SPATC1: variants seen among roughly 807,000 people sequenced by gnomAD.
SPATC1 encodes speriolin.
SPATC1 carries 35 observed loss-of-function variants against 36.5 expected under a neutral mutation model. The ratio of observed to expected loss-of-function variants is 0.96; its 90% CI spans 0.73 to 1.27. SPATC1 has a LOEUF of 1.27. SPATC1 is among the 50% of genes most tolerant of loss of function. The probability of loss-of-function intolerance (pLI) is 0.00; values close to 1 mark genes in which losing one functional copy is unlikely to be tolerated. For missense variants in SPATC1, 779 were observed against 796.0 expected, an observed-to-expected ratio of 0.98 and a Z score of 0.26; for synonymous variants, 361 against 353.6, an observed-to-expected ratio of 1.02 and a Z score of -0.24.
chr8:144,041,349 A>G lies in SPATC1; in HGVS notation c.1424A>G (p.Asn475Ser), dbSNP rs868959776. 3.7e-6 allele frequency: 6 copies of G among 1,611,092 alleles called. No homozygotes were observed. The African/African-American group carries it at 4.0e-5, about 11-fold the overall frequency. The change falls in exon 4 of 5, where the codon AAC becomes AGC. Residue 475 changes from asparagine to serine, a missense_variant. Physicochemically the swap from Asn to Ser is conservative, Grantham distance 46. Transcript: ENST00000377470. The part of the protein sequence containing the change: ...RVRLYGFTVS[N>S]IPEKIIQASL... ...CGGCTCTACGGCTTCACTGTCTCCA[A>G]CATCCCAGAGAAGATCATCCAGGTG...
Position 144,029,202 on chromosome 8 carries a change from T to TAAAAAAAAAA in SPATC1, c.212-10686_212-10677dup, listed in dbSNP as rs1165801794. On this transcript the variant is annotated intron_variant, in intron 1 of 4. Transcript: ENST00000377470. ...ACATCCTACACATGTACCCCAGAAC[T>TAAAAAAAAAA]AAAAAAAAAAAAAAAAAAAAAAAAA... is the stretch of plus-strand genomic sequence containing the variant. Among the ~76,000 whole-genome samples the TAAAAAAAAAA allele has an allele frequency of 1.1e-3, 30 of 28,164 alleles. 3 individuals carry two copies. Among genetic ancestry groups the TAAAAAAAAAA allele is most frequent in the African/African-American group, 3.4e-3 (30 of 8,842 alleles). 18.5% of individuals were successfully genotyped at this position (28,164 alleles called of 152,430 possible). A position where few individuals can be genotyped will look rare whatever the true frequency, so the allele number is the denominator to read the frequency against.
chr8:144,037,867 C>T (rs541660350), intron 1 of SPATC1, among the ~76,000 whole-genome samples: 51 of 151,266 alleles, frequency 3.4e-4, no homozygotes, highest in Admixed American at 7.2e-4. Context: ...TCGGTGGCCA[C>T]GCCTGTAATC....
intron 1 of SPATC1, among the ~76,000 whole-genome samples, chr8:144,029,516 G>A (rs1012947609): frequency 0.029 from 4,348 of 152,236 alleles, 222 homozygotes; most frequent in African/African-American, 0.099. Context: ...GCAGTGAGGC[G>A]AGAGCGCACC....
In SPATC1 at chr8:144,026,809, C is replaced by CTTTTTTT. The variant is rs1230432833; in HGVS notation, c.212-13090_212-13084dup. 2.3e-5 allele frequency among the ~76,000 whole-genome samples: 3 copies of CTTTTTTT among 131,948 alleles called. 1 individual carries two copies. Among genetic ancestry groups the CTTTTTTT allele is most frequent in the African/African-American group, 5.9e-5 (2 of 34,080 alleles). The allele number at this position is 131,948 out of a possible 152,430, so 86.6% of individuals were successfully genotyped here. A position where few individuals can be genotyped will look rare whatever the true frequency, so the allele number is the denominator to read the frequency against. ...TTATTTTTTTAATTTCTTTCTTTTT[C>CTTTTTTT]TTTTTTTTTTTTTTTTGAGACGGAG... On this transcript the variant is annotated intron_variant, in intron 1 of 4. Coordinates refer to ENST00000377470, the MANE Select transcript of SPATC1 (RefSeq NM_198572.3).
chr8:144,042,284 A>AAC (rs1475095587), intron 4 of SPATC1, among the ~76,000 whole-genome samples: 20 of 36,238 alleles, frequency 5.5e-4, no homozygotes, highest in African/African-American at 2.9e-3. Flanking sequence ...ACGCCCAGCT[A>AAC]ATATATATAT....
At chr8:144,039,450 G>GTA (rs1328064549) in intron 1 of SPATC1, among the ~76,000 whole-genome samples, 5 of 152,228 alleles carry the variant, frequency 3.3e-5, no homozygotes, top group African/African-American at 1.2e-4. Context: ...CCACCACAAA[G>GTA]ACAGTGGTCA....
chr8:144,035,907 T>G (rs1332100901), intron 1 of SPATC1, among the ~76,000 whole-genome samples: 2 of 152,126 alleles, frequency 1.3e-5, no homozygotes, highest in Non-Finnish European at 2.9e-5. Flanking sequence ...TGGGCTCTCC[T>G]AAGGAATTGG....
chr8:144,036,840 G>C (rs962017271), intron 1 of SPATC1, among the ~76,000 whole-genome samples: 106 of 151,958 alleles, frequency 7.0e-4, no homozygotes, highest in Non-Finnish European at 1.4e-3. Flanking sequence ...CACGGGAATC[G>C]ATTGAAATGC....
In SPATC1 at chr8:144,041,384, G is replaced by C; in HGVS notation, c.1446+13G>C. ...GAAGATCATCCAGGTGTGCGGCCAG[G>C]GGTCCTGCAGGGACAGGGGGCAGGT... is the stretch of plus-strand genomic sequence containing the variant. On this transcript the variant is annotated intron_variant, in intron 4 of 4. Transcript: ENST00000377470. 2.5e-6 allele frequency: 4 copies of C among 1,604,118 alleles called. No homozygotes were observed. Among genetic ancestry groups the C allele is most frequent in the Non-Finnish European group, 3.4e-6 (4 of 1,179,308 alleles).
At chr8:144,017,979 A>G (rs1298523271) in intron 1 of SPATC1, among the ~76,000 whole-genome samples, 1 of 152,194 alleles carries the variant, frequency 6.6e-6, no homozygotes, top group Non-Finnish European at 1.5e-5. Flanking sequence ...GAGAGAAAAG[A>G]TTCAAGAGTT....
At chr8:144,042,295 ATATATATATATATATATTT>A (rs1476009786) in intron 4 of SPATC1, among the ~76,000 whole-genome samples, 6 of 48,602 alleles carry the variant, frequency 1.2e-4, no homozygotes, top group African/African-American at 7.2e-4. Flanking sequence ...ATATATATAT[ATATATATATATATATATTT>A]TTTTTTTTTT....
intron 4 of SPATC1, among the ~76,000 whole-genome samples, chr8:144,044,345 G>A (rs181478912): frequency 1.5e-4 from 23 of 150,598 alleles, no homozygotes; most frequent in Admixed American, 4.0e-4. Context: ...TCTGTCGCCC[G>A]GGCTGGAGTG....
rs1184651892 is a variant in SPATC1 at position 144,042,311 on chromosome 8, ATTTTTTT to A, written c.1446+959_1446+965del. Among the ~76,000 whole-genome samples, 151 of 23,844 alleles carry A rather than the reference ATTTTTTT, an allele frequency of 6.3e-3. 1 individual carries two copies. The highest frequency in any genetic ancestry group is 0.033 in the African/African-American group (137 of 4,114). The allele number at this position is 23,844 out of a possible 152,430, so 15.6% of individuals were successfully genotyped here. ...TATATATATATATATATATATATATATTTTTTTTTTTTTTTTTTTTTTTTTGAGTTGG... is the reference window on the plus strand; with the variant it reads ...TATATATATATATATATATATATATATTTTTTTTTTTTTTTTTTGAGTTGG... On this transcript the variant is annotated intron_variant, in intron 4 of 4. Coordinates refer to ENST00000377470, the MANE Select transcript of SPATC1 (RefSeq NM_198572.3).
At chr8:144,041,407 G>A (rs782402281) in intron 4 of SPATC1, 36 bp downstream of exon 4, 3 of 1,597,790 alleles carry the variant, frequency 1.9e-6, no homozygotes, top group Non-Finnish European at 1.7e-6. Context: ...ACAGGGGGCA[G>A]GTTGGCCCAT....
At chr8:144,039,848 C>A in intron 1 of SPATC1, 61 bp from the exon 2 acceptor site, 1 of 1,543,276 alleles carries the variant, frequency 6.5e-7, no homozygotes, top group Non-Finnish European at 8.8e-7. Context: ...AGCCTGTGAC[C>A]ACCCTCGCCG....
chr8:144,032,248 A>G (rs979754448), intron 1 of SPATC1, among the ~76,000 whole-genome samples: 1 of 151,754 alleles, frequency 6.6e-6, no homozygotes, highest in African/African-American at 2.4e-5. Flanking sequence ...CCTCTCGTGA[A>G]TTTTTCAATT....
In SPATC1 at chr8:144,027,721, A is replaced by G. The variant is rs977517691; in HGVS notation, c.212-12188A>G. Among the ~76,000 whole-genome samples, 929 of 152,314 alleles carry G rather than the reference A, an allele frequency of 6.1e-3. 12 individuals are homozygous for G. Among genetic ancestry groups the G allele is most frequent in the African/African-American group, 0.022 (897 of 41,576 alleles). ...AAGATTATTTTCTCAGGCTGGGCAC[A>G]GTAGCTCATGCCTGTAATCCCAGAA... On this transcript the variant is annotated intron_variant, in intron 1 of 4. Transcript: ENST00000377470.
Position 144,047,021 on chromosome 8 carries a change from C to A in SPATC1, c.*65C>A. The A allele has an allele frequency of 6.6e-7, 1 of 1,526,466 alleles. No homozygotes were observed. Among genetic ancestry groups the A allele is most frequent in the South Asian group, 1.2e-5 (1 of 81,044 alleles). The allele number at this position is 1,526,466 out of a possible 1,614,324, so 94.6% of individuals were successfully genotyped here. A position where few individuals can be genotyped will look rare whatever the true frequency, so the allele number is the denominator to read the frequency against. ...CCCTGTGCACGGCCATTAAAGCTTC[C>A]CACAGACACTGGTCGCTGGGCCTGT... On this transcript the variant is annotated 3_prime_UTR_variant, in exon 5 of 5. Coordinates refer to ENST00000377470, the MANE Select transcript of SPATC1 (RefSeq NM_198572.3). The surrounding 1 kb of genome is among the most constrained non-coding windows in gnomAD (Gnocchi z 4.1).
intron 1 of SPATC1, among the ~76,000 whole-genome samples, chr8:144,023,463 C>T (rs1474596867): frequency 1.1e-5 from 1 of 89,088 alleles, no homozygotes; most frequent in Non-Finnish European, 2.7e-5. Flanking sequence ...TCCCTGAGGA[C>T]CCTCTCTCCT....
Sources: gnomAD v4.1 joint callset for allele counts (sites outside exome capture counted in the v4.1 genomes callset) on GRCh38, gnomAD v4.1.1 for gene constraint, Gnocchi (gnomAD v3.1) non-coding constraint, MANE v1.5 for transcripts, NCBI Gene and HGNC (gene_info 2026-07-23, HGNC 2026-07-21) for gene names.